TBC1D14: variants seen among roughly 807,000 people sequenced by gnomAD.
The protein encoded by TBC1D14 is TBC1 domain family member 14, also known as TBC1 domain family, member 14.
In TBC1D14, 26 loss-of-function variants were observed where a neutral mutation model predicts 79.0. That is an observed-to-expected ratio of 0.33 (90% CI 0.24 to 0.46). The LOEUF (loss-of-function observed/expected upper bound fraction) is 0.46, where lower values mean the gene tolerates loss of function less well. Among genes scored for constraint, TBC1D14 ranks in the 20% least tolerant of loss-of-function variants. The probability of loss-of-function intolerance (pLI) is 1.00; values close to 1 mark genes in which losing one functional copy is unlikely to be tolerated. For missense variants in TBC1D14, 769 were observed against 887.6 expected (o/e 0.87, Z 1.70); for synonymous variants, 394 against 349.9 (o/e 1.13, Z -1.40).
Position 6,979,862 on chromosome 4 carries a change from A to G in TBC1D14, c.843+12438A>G, listed in dbSNP as rs78151403. On this transcript the variant is annotated intron_variant, in intron 3 of 13. Transcript: ENST00000409757. ...TGGGACATTACCTAATGAAGACATA[A>G]TGATTCTAAATGTATTTGCACTTCA... Among the ~76,000 whole-genome samples, 1,323 of 152,330 alleles carry G rather than the reference A, an allele frequency of 8.7e-3. 8 individuals are homozygous for G. The highest frequency in any genetic ancestry group is 0.012 in the Non-Finnish European group (844 of 68,032).
intron 2 of TBC1D14, among the ~76,000 whole-genome samples, chr4:6,928,394 G>T (rs1312575218): frequency 6.6e-6 from 1 of 152,214 alleles, no homozygotes; most frequent in Non-Finnish European, 1.5e-5. Flanking sequence ...GAATATTGGT[G>T]GTTGAGAGCA....
At chr4:6,920,043 T>C (rs778942187) in intron 1 of TBC1D14, among the ~76,000 whole-genome samples, 6 of 152,048 alleles carry the variant, frequency 3.9e-5, no homozygotes, top group Non-Finnish European at 7.4e-5. Context: ...GCCTTCTCAG[T>C]AGCCGGGACT....
chr4:6,994,951 G>A (rs1460506703), intron 4 of TBC1D14, among the ~76,000 whole-genome samples: 2 of 152,082 alleles, frequency 1.3e-5, no homozygotes. Flanking sequence ...TGGAGGACTG[G>A]AAAGTTAGAG....
chr4:7,004,026 C>T (rs3857171), intron 7 of TBC1D14, among the ~76,000 whole-genome samples: 109,628 of 151,864 alleles, frequency 0.72, 40,193 homozygotes, highest in East Asian at 0.97. Context: ...AAAGAAAAAG[C>T]CAGATGACCA....
At chr4:6,993,133 C>T (rs1415615522) in intron 3 of TBC1D14, among the ~76,000 whole-genome samples, 8 of 152,226 alleles carry the variant, frequency 5.3e-5, no homozygotes, top group African/African-American at 9.7e-5. Context: ...TTTCTCACCA[C>T]CTCATGACAA....
chr4:6,982,014 C>A (rs184115526), intron 3 of TBC1D14, among the ~76,000 whole-genome samples: 1 of 152,226 alleles, frequency 6.6e-6, no homozygotes, highest in Admixed American at 6.5e-5. Context: ...GAAGTCCTAG[C>A]TGGTACCTTG....
intron 1 of TBC1D14, among the ~76,000 whole-genome samples, chr4:6,917,200 G>A (rs972321016): frequency 5.9e-5 from 9 of 152,198 alleles, no homozygotes; most frequent in African/African-American, 2.2e-4. Context: ...ACTGTCCCTG[G>A]AAGCTGCCCA....
chr4:6,981,988 G>A (rs1717416710), intron 3 of TBC1D14, among the ~76,000 whole-genome samples: 1 of 152,176 alleles, frequency 6.6e-6, no homozygotes, highest in Admixed American at 6.5e-5. Flanking sequence ...TACTATTCCT[G>A]TTCAACATTG....
At chr4:6,913,695 C>T (rs994735593) in intron 1 of TBC1D14, among the ~76,000 whole-genome samples, 6 of 152,102 alleles carry the variant, frequency 3.9e-5, no homozygotes, top group Admixed American at 1.3e-4. Context: ...TAAACTATAC[C>T]GGTTTTAAGT....
Position 6,980,213 on chromosome 4 carries a change from G to A in TBC1D14, c.843+12789G>A, listed in dbSNP as rs4334753. 3.0e-3 allele frequency among the ~76,000 whole-genome samples: 454 copies of A among 152,260 alleles called. 11 individuals are homozygous for A. In the East Asian group the frequency reaches 0.067, roughly 22 times the overall value. ...AATTATACAAAATATGTTCTGACCA[G>A]AGTGATATTAGACTAGAAAACAGTG... On this transcript the variant is annotated intron_variant, in intron 3 of 13. Coordinates refer to ENST00000409757, the MANE Select transcript of TBC1D14 (RefSeq NM_020773.3).
rs144939345 is a variant in TBC1D14, at chr4:7,027,204, C to T, written c.2016+1942C>T. On this transcript the variant is annotated intron_variant, in intron 13 of 13. Coordinates refer to ENST00000409757, the MANE Select transcript of TBC1D14 (RefSeq NM_020773.3). ...CCAGCCTGGGCAATAGAGTGAGACT[C>T]CATCTCAAAAAAACCCCAAAAAAGC... Among the ~76,000 whole-genome samples, 961 of 152,028 alleles carry T rather than the reference C, an allele frequency of 6.3e-3. 5 individuals carry two copies. The highest frequency in any genetic ancestry group is 0.017 in the Middle Eastern group (5 of 294).
At chr4:6,951,153 G>A (rs906507292) in intron 2 of TBC1D14, among the ~76,000 whole-genome samples, 2 of 152,164 alleles carry the variant, frequency 1.3e-5, no homozygotes, top group Non-Finnish European at 2.9e-5. Flanking sequence ...TTAGCCGCGT[G>A]TAGTGGCAGG....
chr4:6,958,378 C>T (rs73199999), intron 2 of TBC1D14, among the ~76,000 whole-genome samples: 3 of 127,004 alleles, frequency 2.4e-5, no homozygotes, highest in African/African-American at 7.2e-5. Context: ...CCCACATATA[C>T]ACACACACAC....
chr4:6,938,959 G>A (rs771360100), intron 2 of TBC1D14, among the ~76,000 whole-genome samples: 38 of 152,134 alleles, frequency 2.5e-4, no homozygotes, highest in Non-Finnish European at 5.1e-4. Context: ...CAGCAGCGGC[G>A]CCATCCCCCA....
At chr4:6,932,434 G>C (rs1021800862) in intron 2 of TBC1D14, among the ~76,000 whole-genome samples, 2 of 151,976 alleles carry the variant, frequency 1.3e-5, no homozygotes, top group African/African-American at 4.8e-5. Flanking sequence ...GCAGGTACTT[G>C]GAAGGAGAGT....
intron 2 of TBC1D14, among the ~76,000 whole-genome samples, chr4:6,941,024 C>T (rs1370316599): frequency 6.6e-6 from 1 of 152,070 alleles, no homozygotes; most frequent in Non-Finnish European, 1.5e-5. Flanking sequence ...TAAACACGAG[C>T]GATTTATCTT....
At chr4:6,983,465 CATT>C (rs1717558128) in intron 3 of TBC1D14, among the ~76,000 whole-genome samples, 1 of 152,078 alleles carries the variant, frequency 6.6e-6, no homozygotes, top group African/African-American at 2.4e-5. Context: ...CAGAGGGAAA[CATT>C]ATACAGCTGG....
chr4:6,912,982 TTGTTC>T (rs564014400), intron 1 of TBC1D14, among the ~76,000 whole-genome samples: 1 of 152,322 alleles, frequency 6.6e-6, no homozygotes. Context: ...GTTTTTTGTT[TTGTTC>T]TGTTCTATTC....
intron 1 of TBC1D14, among the ~76,000 whole-genome samples, chr4:6,913,962 A>AAAC (rs888068223): frequency 1.1e-4 from 16 of 151,914 alleles, no homozygotes; most frequent in South Asian, 2.1e-4. Flanking sequence ...AACCCTACCA[A>AAAC]AACAACAACA....
Sources: gnomAD v4.1 joint callset for allele counts (sites outside exome capture counted in the v4.1 genomes callset) on GRCh38, gnomAD v4.1.1 for gene constraint, MANE v1.5 for transcripts, NCBI Gene and HGNC (gene_info 2026-07-23, HGNC 2026-07-21) for gene names.